Variants in CENPW observed in about 807,000 individuals in gnomAD.
CENPW encodes centromere protein W.
A neutral mutation model predicts 11.1 loss-of-function variants in CENPW; 3 were observed. The ratio of observed to expected loss-of-function variants is 0.27; its 90% CI spans 0.12 to 0.70. CENPW has a LOEUF of 0.70. Ranked by LOEUF, CENPW falls within the 30% of genes least tolerant of loss-of-function variation. The pLI is 0.77. For missense variants in CENPW, 100 were observed against 105.6 expected (o/e 0.95, Z 0.23); for synonymous variants, 38 against 42.0 (o/e 0.91, Z 0.37).
At chr6:126,395,872 C>T in the CENPW span, among the ~76,000 whole-genome samples, 2 of 152,182 alleles carry the variant, frequency 1.3e-5, no homozygotes, top group African/African-American at 2.4e-5. Context: ...TCTTCCCTTA[C>T]TTTCTCCCAA....
the CENPW span, among the ~76,000 whole-genome samples, chr6:126,407,395 A>G: frequency 1.3e-5 from 2 of 152,166 alleles, no homozygotes; most frequent in African/African-American, 4.8e-5. Context: ...CAATGAACAT[A>G]CATGTGCATG....
chr6:126,445,446 A>G, the CENPW span, among the ~76,000 whole-genome samples: 1 of 151,176 alleles, frequency 6.6e-6, no homozygotes, highest in Non-Finnish European at 1.5e-5. Context: ...TTTATTCTTA[A>G]TCTTATTTCA....
At chr6:126,371,317 A>C in the CENPW span, among the ~76,000 whole-genome samples, 4 of 152,008 alleles carry the variant, frequency 2.6e-5, no homozygotes, top group Non-Finnish European at 5.9e-5. Context: ...GATTTTGTCA[A>C]ATTTTTTTTC....
chr6:126,445,044 C>A, the CENPW span, among the ~76,000 whole-genome samples: 1 of 151,118 alleles, frequency 6.6e-6, no homozygotes, highest in African/African-American at 2.4e-5. Context: ...GGTCAAGACT[C>A]CCCTGCATGA....
the CENPW span, among the ~76,000 whole-genome samples, chr6:126,394,929 G>A: frequency 5.9e-5 from 9 of 151,914 alleles, no homozygotes; most frequent in East Asian, 3.9e-4. Flanking sequence ...GCTGCCGGAC[G>A]TATTGGAACT....
chr6:126,399,047 C>T, the CENPW span, among the ~76,000 whole-genome samples: 2 of 151,838 alleles, frequency 1.3e-5, no homozygotes, highest in Non-Finnish European at 2.9e-5. Context: ...TTTTCTTTAT[C>T]CAGTTAACTG....
chr6:126,407,578 G>A, the CENPW span, among the ~76,000 whole-genome samples: 18 of 152,124 alleles, frequency 1.2e-4, no homozygotes, highest in East Asian at 1.9e-4. Context: ...ATTTTTCTCC[G>A]CAACCTTGCC....
the CENPW span, among the ~76,000 whole-genome samples, chr6:126,380,917 C>G: frequency 6.6e-6 from 1 of 152,136 alleles, no homozygotes; most frequent in African/African-American, 2.4e-5. Context: ...GGATCTGAAC[C>G]TTCTCCTAGG....
the CENPW span, among the ~76,000 whole-genome samples, chr6:126,434,030 G>T: frequency 4.1e-4 from 62 of 152,178 alleles, no homozygotes; most frequent in East Asian, 0.012. Flanking sequence ...AATCCATCAG[G>T]AAACATTTTA....
chr6:126,379,609 C>T, the CENPW span, among the ~76,000 whole-genome samples: 1 of 152,170 alleles, frequency 6.6e-6, no homozygotes, highest in African/African-American at 2.4e-5. Context: ...CAACATTTTA[C>T]TAATATTTAT....
the CENPW span, among the ~76,000 whole-genome samples, chr6:126,457,378 GC>G: frequency 6.6e-6 from 1 of 151,446 alleles, no homozygotes; most frequent in African/African-American, 2.4e-5. Flanking sequence ...ATACTATGCA[GC>G]CTTAAAAATG....
the CENPW span, among the ~76,000 whole-genome samples, chr6:126,397,486 C>T: frequency 2.6e-4 from 39 of 152,160 alleles, no homozygotes; most frequent in African/African-American, 6.3e-4. Context: ...CTCTTCAGTG[C>T]GTCTTTCAGT....
chr6:126,475,069 T>C, the CENPW span, among the ~76,000 whole-genome samples: 2 of 152,182 alleles, frequency 1.3e-5, no homozygotes. Context: ...GAAAAAAATA[T>C]TAAATATTCT....
chr6:126,408,167 A>T, the CENPW span, among the ~76,000 whole-genome samples: 1 of 152,274 alleles, frequency 6.6e-6, no homozygotes, highest in South Asian at 2.1e-4. Flanking sequence ...GTGCTGGGAA[A>T]ACTGGCTAGC....
chr6:126,352,823 A>ATG (rs1780507139), downstream of CENPW, among the ~76,000 whole-genome samples: 1 of 152,118 alleles, frequency 6.6e-6, no homozygotes, highest in Non-Finnish European at 1.5e-5. Context: ...TTGCTGGTGT[A>ATG]TGTGACCCAG....
rs760899266 is a variant in CENPW at position 126,340,238 on chromosome 6, C to G, written c.-36C>G. ...AGCTTGTGTGCGATACAGAGAGCAC[C>G]TCGGAAGCTGAGGCAGCTGGTACTT... On this transcript the variant is annotated 5_prime_UTR_variant, in exon 1 of 3. Transcript: ENST00000368328. 2.5e-6 allele frequency: 4 copies of G among 1,608,432 alleles called. No individual in the cohort carries two copies. In the Admixed American group the frequency reaches 6.7e-5, roughly 27 times the overall value.
the CENPW span, among the ~76,000 whole-genome samples, chr6:126,432,496 T>A: frequency 6.6e-6 from 1 of 152,080 alleles, no homozygotes; most frequent in African/African-American, 2.4e-5. Flanking sequence ...AGCTTTTTAA[T>A]TTTTTTTCCA....
At chr6:126,376,653 A>AC in the CENPW span, among the ~76,000 whole-genome samples, 3 of 152,190 alleles carry the variant, frequency 2.0e-5, no homozygotes, top group African/African-American at 7.2e-5. Context: ...TTAGGAATGC[A>AC]CATTTGTTAG....
chr6:126,445,156 T>C, the CENPW span, among the ~76,000 whole-genome samples: 1 of 151,096 alleles, frequency 6.6e-6, no homozygotes, highest in Non-Finnish European at 1.5e-5. Context: ...GACACTTTAT[T>C]TTGAGGGTAA....
Sources: allele counts gnomAD v4.1 joint callset (sites outside exome capture counted in the v4.1 genomes callset), GRCh38; gene constraint gnomAD v4.1.1; transcripts MANE v1.5; gene names NCBI Gene and HGNC (gene_info 2026-07-23, HGNC 2026-07-21).